Variants in SMG9 observed in about 807,000 individuals in gnomAD.
SMG9 encodes nonsense-mediated mRNA decay factor SMG9.
A neutral mutation model predicts 64.0 loss-of-function variants in SMG9; 55 were observed. The ratio of observed to expected loss-of-function variants is 0.86; its 90% CI spans 0.69 to 1.08. SMG9 has a LOEUF of 1.08. SMG9 is among the 50% of genes least tolerant of loss of function. SMG9 has a pLI of 0.00. For missense variants in SMG9, 554 were observed against 681.3 expected (o/e 0.81, Z 2.08); for synonymous variants, 244 against 254.8 (o/e 0.96, Z 0.41).
Position 43,738,117 on chromosome 19 carries a change from C to T in SMG9, c.909+5G>A, listed in dbSNP as rs1476425279. 1.9e-6 allele frequency: 3 copies of T among 1,613,858 alleles called. No individual in the cohort carries two copies. The African/African-American group carries it at 4.0e-5, about 22-fold the overall frequency. On this transcript the variant is annotated splice_donor_5th_base_variant and intron_variant, in intron 8 of 13. Transcript: ENST00000270066. ...TCAGTCCTGGGCCTGGCTTGGCTCCCTCACCTGCATTTCAACGTAAGTGTG... is the reference window on the plus strand; with the variant it reads ...TCAGTCCTGGGCCTGGCTTGGCTCCTTCACCTGCATTTCAACGTAAGTGTG...
intron 7 of SMG9, 26 bp downstream of exon 7, chr19:43,740,081 G>A (rs1968799826): frequency 6.8e-7 from 1 of 1,467,144 alleles, no homozygotes. Context: ...GTGGCAGGGT[G>A]GGGCAAAGGC....
intron 5 of SMG9, among the ~76,000 whole-genome samples, chr19:43,746,817 TTC>T (rs888260481): frequency 7.2e-6 from 1 of 138,914 alleles, no homozygotes; most frequent in Non-Finnish European, 1.5e-5. Flanking sequence ...GGGCTTCTTG[TTC>T]TTTTTTTTTT....
intron 9 of SMG9, 56 bp downstream of exon 9, chr19:43,737,541 G>T: frequency 6.7e-7 from 1 of 1,493,008 alleles, no homozygotes; most frequent in Non-Finnish European, 9.2e-7. Context: ...AAGTCTCTGG[G>T]CCTTTGTCTC....
intron 9 of SMG9, chr19:43,734,699 ATTCT>A: frequency 2.2e-6 from 1 of 447,366 alleles, no homozygotes. Flanking sequence ...AACTGTATAA[ATTCT>A]TTGAGTTTAC....
chr19:43,733,511 T>C lies in SMG9; in HGVS notation c.1211-59A>G, dbSNP rs867392687. On this transcript the variant is annotated intron_variant, in intron 11 of 13. Coordinates refer to ENST00000270066, the MANE Select transcript of SMG9 (RefSeq NM_019108.4). ...ATGTTGTGGGTTTGGGGAGTGGGAA[T>C]TGTTGACAGTCAAAGCAGGATCAGG... 43 of 1,611,506 alleles carry C rather than the reference T, an allele frequency of 2.7e-5. No individual in the cohort carries two copies. The Middle Eastern group carries it at 2.3e-3, about 87-fold the overall frequency.
Position 43,750,634 on chromosome 19 carries a change from A to G in SMG9, c.108T>C (p.Gly36=). 6.2e-7 allele frequency: 1 copy of G among 1,613,780 alleles called. No homozygotes were observed. The highest frequency in any genetic ancestry group is 8.5e-7 in the Non-Finnish European group (1 of 1,179,928). Residue 36 remains glycine (G), a synonymous_variant, in exon 2 of 14, where the codon GGT becomes GGC. Coordinates refer to ENST00000270066, the MANE Select transcript of SMG9 (RefSeq NM_019108.4). Reference sequence around the variant, plus strand: ...ATGGTGCAATGTAGTCCCTCTCCCGACCACCAGGCCCAGAGAGATTCTGGG... The same window carrying G: ...ATGGTGCAATGTAGTCCCTCTCCCGGCCACCAGGCCCAGAGAGATTCTGGG... The part of the protein sequence containing the change: ...GGPQNLSGPG[G]RERDYIAPWE...
chr19:43,747,921 T>C (rs771435290), intron 3 of SMG9, 24 bp from the exon 4 acceptor site: 1 of 1,613,992 alleles, frequency 6.2e-7, no homozygotes, highest in Non-Finnish European at 8.5e-7. Flanking sequence ...AAAAATCCCA[T>C]CAATGGGGGC....
Position 43,747,853 on chromosome 19 carries a change from A to C in SMG9, c.270T>G (p.Ala90=). Residue 90 remains alanine, a synonymous_variant, in exon 4 of 14, where the codon GCT becomes GCG. Coordinates refer to ENST00000270066, the MANE Select transcript of SMG9 (RefSeq NM_019108.4). ...CGATGGGCTTCTCCAGAGGGGCTGG[A>C]GCAGGCGGGGCAGCAGGGGCTGTTG... ...PPPTAPAAPP[A]PAPLEKPIVL... The C allele has an allele frequency of 6.2e-7, 1 of 1,607,706 alleles. No individual in the cohort carries two copies. Among genetic ancestry groups the C allele is most frequent in the Non-Finnish European group, 8.5e-7 (1 of 1,176,682 alleles).
chr19:43,733,897 C>T (rs967255436), intron 10 of SMG9, 164 bp from the exon 11 acceptor site: 4 of 611,124 alleles, frequency 6.5e-6, no homozygotes, highest in South Asian at 2.0e-5. Context: ...TAGGGCAATG[C>T]TGGGGACCCA....
rs1029077156 is a variant in SMG9, at chr19:43,729,086, C to T, written c.*2510G>A. On this transcript the variant is annotated 3_prime_UTR_variant, in exon 14 of 14. Transcript: ENST00000270066. ...GGGGGTGGCGGGTGACCGGTACATA[C>T]TTACCCACTGTTCAGAAGGCTACTG... 1 of 963,422 alleles carries T rather than the reference C, an allele frequency of 1.0e-6. No homozygotes were observed. Among genetic ancestry groups the T allele is most frequent in the Non-Finnish European group, 1.2e-6 (1 of 809,916 alleles). 59.7% of individuals were successfully genotyped at this position (963,422 alleles called of 1,614,324 possible).
chr19:43,737,834 C>G, intron 8 of SMG9, 152 bp from the exon 9 acceptor site: 1 of 714,048 alleles, frequency 1.4e-6, no homozygotes, highest in Non-Finnish European at 2.4e-6. Context: ...ACTTCCCTTA[C>G]AGGCCATCCC....
At chr19:43,738,975 G>T (rs372659203) in intron 7 of SMG9, among the ~76,000 whole-genome samples, 3 of 152,346 alleles carry the variant, frequency 2.0e-5, no homozygotes, top group East Asian at 3.9e-4. Flanking sequence ...ACAGTGACCA[G>T]AACTCTGTTC....
intron 6 of SMG9, among the ~76,000 whole-genome samples, chr19:43,741,221 G>A (rs185626591): frequency 1.8e-4 from 27 of 152,370 alleles, no homozygotes; most frequent in African/African-American, 6.3e-4. Context: ...TTAGTTGGTG[G>A]AGCCAGAAAG....
At position 43,733,456 on chromosome 19, in the gene SMG9, G is replaced by A; in HGVS notation, c.1211-4C>T. 1 of 1,613,890 alleles carries A rather than the reference G, an allele frequency of 6.2e-7. No homozygotes were observed. Among genetic ancestry groups the A allele is most frequent in the Non-Finnish European group, 8.5e-7 (1 of 1,180,016 alleles). On this transcript the variant is annotated splice_region_variant and splice_polypyrimidine_tract_variant and intron_variant, in intron 11 of 13. Transcript: ENST00000270066. Reference sequence around the variant, plus strand: ...CATTGTAACATGGACAGAGTTCCTGGAGGAGAAAACGCTTCAGCCTTCAGG... The same window carrying A: ...CATTGTAACATGGACAGAGTTCCTGAAGGAGAAAACGCTTCAGCCTTCAGG...
chr19:43,741,143 A>G (rs575897888), intron 6 of SMG9, among the ~76,000 whole-genome samples: 2 of 152,186 alleles, frequency 1.3e-5, no homozygotes, highest in Non-Finnish European at 2.9e-5. Context: ...CTAGTTTACA[A>G]ATTACCAGAA....
In SMG9 at chr19:43,729,016, G is replaced by C. The variant is rs1968387494; in HGVS notation, c.*2580C>G. ...GCAGTATATCTAGCTGGTGTCCACA[G>C]TGGCCTGCTGGCAGCATCAGCCTGA... On this transcript the variant is annotated 3_prime_UTR_variant, in exon 14 of 14. Coordinates refer to ENST00000270066, the MANE Select transcript of SMG9 (RefSeq NM_019108.4). 2 of 985,642 alleles carry C rather than the reference G, an allele frequency of 2.0e-6. No individual in the cohort carries two copies. Among genetic ancestry groups the C allele is most frequent in the South Asian group, 4.7e-5 (1 of 21,294 alleles). The allele number at this position is 985,642 out of a possible 1,614,324, so 61.1% of individuals were successfully genotyped here.
intron 12 of SMG9, 103 bp from the exon 13 acceptor site, chr19:43,733,105 G>C: frequency 7.0e-7 from 1 of 1,419,670 alleles, no homozygotes. Flanking sequence ...GTTCAGCCCC[G>C]GCTGAGCTCT....
Position 43,731,291 on chromosome 19 carries a change from A to G in SMG9, c.*305T>C. On this transcript the variant is annotated 3_prime_UTR_variant, in exon 14 of 14. Transcript: ENST00000270066. ...CCTGTCCCTGAAAAAGGAGGTCAAG[A>G]TGGAGCCCGGGCTTCCTGGTGACCA... The G allele has an allele frequency of 8.5e-7, 1 of 1,173,474 alleles. No homozygotes were observed. The allele number at this position is 1,173,474 out of a possible 1,614,324, so 72.7% of individuals were successfully genotyped here. A position where few individuals can be genotyped will look rare whatever the true frequency, so the allele number is the denominator to read the frequency against.
At chr19:43,736,461 T>A (rs755897077) in intron 9 of SMG9, among the ~76,000 whole-genome samples, 1 of 152,162 alleles carries the variant, frequency 6.6e-6, no homozygotes, top group Non-Finnish European at 1.5e-5. Flanking sequence ...GAAGAGCCCT[T>A]GTGGCCATAG....
Sources: allele counts gnomAD v4.1 joint callset (sites outside exome capture counted in the v4.1 genomes callset), GRCh38; gene constraint gnomAD v4.1.1; transcripts MANE v1.5; gene names NCBI Gene and HGNC (gene_info 2026-07-23, HGNC 2026-07-21).